ICE1: variants seen among roughly 807,000 people sequenced by gnomAD.
ICE1 encodes the protein interactor of little elongation complex ELL subunit 1, also known as little elongation complex subunit 1.
A neutral mutation model predicts 192.7 loss-of-function variants in ICE1; 64 were observed. The ratio of observed to expected loss-of-function variants is 0.33; its 90% CI spans 0.27 to 0.41. ICE1 has a LOEUF of 0.41. Ranked by LOEUF, ICE1 falls within the 10% of genes least tolerant of loss-of-function variation. ICE1 has a pLI of 1.00. For missense variants in ICE1, 2,708 were observed against 2,696.0 expected, an observed-to-expected ratio of 1.00 and a Z score of -0.10; for synonymous variants, 1,010 against 984.5, an observed-to-expected ratio of 1.03 and a Z score of -0.49.
intron 17 of ICE1, among the ~76,000 whole-genome samples, chr5:5,480,775 G>A (rs1337296861): frequency 6.6e-6 from 1 of 152,138 alleles, no homozygotes; most frequent in East Asian, 1.9e-4. Context: ...TGGTTACAAA[G>A]TAGACACCAA....
rs1315428441 is a variant in ICE1, at chr5:5,437,209, G to A, written c.178+95G>A. 1.1e-5 allele frequency: 10 copies of A among 922,174 alleles called. No homozygotes were observed. In the African/African-American group the frequency reaches 1.5e-4, roughly 14 times the overall value. 57.1% of individuals were successfully genotyped at this position (922,174 alleles called of 1,614,324 possible). A position where few individuals can be genotyped will look rare whatever the true frequency, so the allele number is the denominator to read the frequency against. On this transcript the variant is annotated intron_variant, in intron 3 of 18. Transcript: ENST00000296564. The stretch of plus-strand genomic sequence containing the variant: ...AGAATTGTTCCTCATAGGCCTTCTG[G>A]AAGATAGTACTTAACAGGCTTCAGT...
Position 5,423,017 on chromosome 5 carries a change from G to T in ICE1, c.84+18G>T. ...TGCAGCAGGTGCAGCACCTCCCGGG[G>T]CCCCGGGCGCGGGGGGGGACTCGGC... On this transcript the variant is annotated intron_variant, in intron 1 of 18. Coordinates refer to ENST00000296564, the MANE Select transcript of ICE1 (RefSeq NM_015325.3). 7.4e-7 allele frequency: 1 copy of T among 1,357,416 alleles called. No individual in the cohort carries two copies. The highest frequency in any genetic ancestry group is 1.7e-5 in the South Asian group (1 of 59,294). The allele number at this position is 1,357,416 out of a possible 1,614,324, so 84.1% of individuals were successfully genotyped here.
Position 5,473,480 on chromosome 5 carries a change from A to G in ICE1, c.6223-78A>G, listed in dbSNP as rs142849864. On this transcript the variant is annotated intron_variant, in intron 15 of 18. Transcript: ENST00000296564. ...AATGATTAGTCATCGAATGCTTATT[A>G]TAGTCTTTTAGATAACTAAGGTAAG... 567 of 1,228,640 alleles carry G rather than the reference A, an allele frequency of 4.6e-4. 2 individuals are homozygous for G. In the East Asian group the frequency reaches 0.011, roughly 23 times the overall value. The allele number at this position is 1,228,640 out of a possible 1,614,324, so 76.1% of individuals were successfully genotyped here.
intron 1 of ICE1, among the ~76,000 whole-genome samples, chr5:5,427,215 T>A (rs577681346): frequency 1.3e-5 from 2 of 152,336 alleles, no homozygotes; most frequent in Admixed American, 1.3e-4. Flanking sequence ...TCACTTCATA[T>A]CTGTTTTGTT....
intron 1 of ICE1, among the ~76,000 whole-genome samples, chr5:5,423,330 A>G (rs1001131088): frequency 6.6e-6 from 1 of 152,084 alleles, no homozygotes; most frequent in African/African-American, 2.4e-5. Flanking sequence ...TAGGTCAGTG[A>G]GGGACAGGTG....
chr5:5,434,854 TTTG>T (rs1381143768), intron 1 of ICE1, among the ~76,000 whole-genome samples: 1 of 152,214 alleles, frequency 6.6e-6, no homozygotes, highest in East Asian at 1.9e-4. Flanking sequence ...AAAGTAAATT[TTTG>T]TTATTTTAGT....
Position 5,464,763 on chromosome 5 carries a change from GGA to G in ICE1, c.5431_5432del (p.Ser1811GlnfsTer5). On this transcript the variant is annotated frameshift_variant, in exon 13 of 19. Transcript: ENST00000296564. LOFTEE classifies it high-confidence loss of function. The surrounding 1 kb of genome is among the most constrained non-coding windows in gnomAD (Gnocchi z 4.0). ...GCAGCAACTGCTTTTGTCAAAACTGGGAGCAGCTCTGGTGGTGACTGTAACCA... is the reference window on the plus strand; with the variant it reads ...GCAGCAACTGCTTTTGTCAAAACTGGGCAGCTCTGGTGGTGACTGTAACCA... The G allele has an allele frequency of 6.2e-7, 1 of 1,613,780 alleles. No homozygotes were observed. The highest frequency in any genetic ancestry group is 8.5e-7 in the Non-Finnish European group (1 of 1,179,816).
chr5:5,473,457 T>C, intron 15 of ICE1, 101 bp from the exon 16 acceptor site: 4 of 970,002 alleles, frequency 4.1e-6, no homozygotes, highest in Non-Finnish European at 6.0e-6. Flanking sequence ...TCAGATTAAA[T>C]GATTAGTCAT....
intron 10 of ICE1, among the ~76,000 whole-genome samples, chr5:5,450,830 G>A (rs16875584): frequency 0.05 from 7,598 of 152,114 alleles, 635 homozygotes; most frequent in East Asian, 0.34. Flanking sequence ...AGTGTGAAAC[G>A]ATGTCAAGCA....
intron 14 of ICE1, among the ~76,000 whole-genome samples, chr5:5,468,416 A>T (rs1739053971): frequency 6.6e-6 from 1 of 151,458 alleles, no homozygotes; most frequent in African/African-American, 2.4e-5. Flanking sequence ...ATTAATTTTT[A>T]AAAAAGAGAC....
intron 7 of ICE1, among the ~76,000 whole-genome samples, chr5:5,446,985 A>G (rs1459230576): frequency 6.6e-6 from 1 of 152,236 alleles, no homozygotes; most frequent in Non-Finnish European, 1.5e-5. Flanking sequence ...AGAGAATTCC[A>G]GGGAAGAATA....
chr5:5,485,307 CAAA>C (rs1739612198), intron 17 of ICE1, among the ~76,000 whole-genome samples: 2 of 151,996 alleles, frequency 1.3e-5, no homozygotes, highest in African/African-American at 4.8e-5. Context: ...CCAAAACAAA[CAAA>C]AAATAATGAG....
At chr5:5,485,370 A>T (rs1369613963) in intron 17 of ICE1, among the ~76,000 whole-genome samples, 1 of 152,174 alleles carries the variant, frequency 6.6e-6, no homozygotes, top group African/African-American at 2.4e-5. Flanking sequence ...TTGATATCAG[A>T]TGGCTGATTT....
chr5:5,463,974 A>T lies in ICE1; in HGVS notation c.4640A>T (p.Glu1547Val). 1 of 1,613,918 alleles carries T rather than the reference A, an allele frequency of 6.2e-7. No homozygotes were observed. Residue 1547 changes from glutamate to valine, a missense_variant, in exon 13 of 19, where the codon GAG (glutamate) becomes GTG (valine). By Grantham distance (121) the Glu-to-Val change is moderately radical (BLOSUM62 -2). Coordinates refer to ENST00000296564, the MANE Select transcript of ICE1 (RefSeq NM_015325.3). ...CACACATATTATAACTCAAAACTAG[A>T]GCCATCTGGCAAAAATAAGAATCGA... Reference protein sequence around the residue: ...SDHTYYNSKLEPSGKNKNRSK... With the variant: ...SDHTYYNSKLVPSGKNKNRSK...
intron 15 of ICE1, among the ~76,000 whole-genome samples, chr5:5,470,503 A>G (rs967272783): frequency 1.3e-5 from 2 of 152,244 alleles, no homozygotes; most frequent in African/African-American, 2.4e-5. Context: ...AAGGTGAGAA[A>G]TACTTGGGGA....
At chr5:5,466,779 C>G (rs922624263) in intron 14 of ICE1, among the ~76,000 whole-genome samples, 2 of 152,054 alleles carry the variant, frequency 1.3e-5, no homozygotes, top group African/African-American at 4.8e-5. Flanking sequence ...GATATAGTTG[C>G]CTTAAAGTAT....
At chr5:5,489,052 A>C in intron 18 of ICE1, 97 bp from the exon 19 acceptor site, 1 of 995,566 alleles carries the variant, frequency 1.0e-6, no homozygotes, top group South Asian at 1.6e-5. Flanking sequence ...GGCAGAAAGC[A>C]TTCTGTATTT....
In ICE1 at chr5:5,461,042, A is replaced by G. The variant is rs777369248; in HGVS notation, c.1708A>G (p.Asn570Asp). The change falls in exon 13 of 19, where the codon AAT becomes GAT. Residue 570 changes from asparagine to aspartate, a missense_variant. Coordinates refer to ENST00000296564, the MANE Select transcript of ICE1 (RefSeq NM_015325.3). Reference protein sequence around the residue: ...KSEFTKWTRINEITSEPDRIT... With the variant: ...KSEFTKWTRIDEITSEPDRIT... ...AGAGTTTACTAAGTGGACACGAATT[A>G]ATGAAATCACTTCTGAACCAGACCG... 12 of 1,614,060 alleles carry G rather than the reference A, an allele frequency of 7.4e-6. No homozygotes were observed. In the South Asian group the frequency reaches 1.2e-4, roughly 16 times the overall value.
chr5:5,461,292 G>C lies in ICE1; in HGVS notation c.1958G>C (p.Cys653Ser). ...CCCCAGTCTTCTTCTGGGTTAGACTGTGGTAATGATACAGATATTACTACT... is the reference window on the plus strand; with the variant it reads ...CCCCAGTCTTCTTCTGGGTTAGACTCTGGTAATGATACAGATATTACTACT... Reference protein sequence around the residue: ...SNPQSSSGLDCGNDTDITTKV... With the variant: ...SNPQSSSGLDSGNDTDITTKV... Residue 653 changes from cysteine to serine, a missense_variant, in exon 13 of 19, where the codon TGT (cysteine) becomes TCT (serine). By Grantham distance (112) the Cys-to-Ser change is moderately radical. Coordinates refer to ENST00000296564, the MANE Select transcript of ICE1 (RefSeq NM_015325.3). The C allele has an allele frequency of 6.2e-7, 1 of 1,613,892 alleles. No homozygotes were observed. Among genetic ancestry groups the C allele is most frequent in the Non-Finnish European group, 8.5e-7 (1 of 1,179,856 alleles).
Sources: allele counts gnomAD v4.1 joint callset (sites outside exome capture counted in the v4.1 genomes callset), GRCh38; gene constraint gnomAD v4.1.1; non-coding constraint Gnocchi (gnomAD v3.1); transcripts MANE v1.5; gene names NCBI Gene and HGNC (gene_info 2026-07-23, HGNC 2026-07-21).